RTL9: variants seen among roughly 807,000 people sequenced by gnomAD.
RTL9 encodes retrotransposon Gag like 9.
RTL9 carries 19 observed loss-of-function variants against 44.7 expected under a neutral mutation model. The ratio of observed to expected loss-of-function variants is 0.42; its 90% CI spans 0.30 to 0.62. The LOEUF (loss-of-function observed/expected upper bound fraction) is 0.62, where lower values mean the gene tolerates loss of function less well. Ranked by LOEUF, RTL9 falls within the 20% of genes least tolerant of loss-of-function variation. RTL9 has a pLI of 0.16. For synonymous variants in RTL9, 407 were observed against 398.9 expected (o/e 1.02, Z -0.24); for missense variants, 1,105 against 1,080.6 (o/e 1.02, Z -0.32).
upstream of RTL9, among the ~76,000 whole-genome samples, chrX:110,417,490 T>C (rs191772495): frequency 5.3e-3 from 588 of 111,878 alleles, 3 homozygotes; most frequent in African/African-American, 0.019. Flanking sequence ...ATTTTTTTTT[T>C]ATGCGATAAG....
chrX:110,363,706 G>A (rs765897430), intron 1 of RTL9, among the ~76,000 whole-genome samples: 2 of 111,588 alleles, frequency 1.8e-5, no homozygotes, highest in African/African-American at 6.5e-5. Context: ...ATGCATGGAT[G>A]CATCAGACTG....
intron 1 of RTL9, among the ~76,000 whole-genome samples, chrX:110,359,755 C>A (rs2068250912): frequency 8.9e-6 from 1 of 111,749 alleles, no homozygotes; most frequent in Non-Finnish European, 1.9e-5. Flanking sequence ...GAGATAAGGT[C>A]TCACCATAAA....
At chrX:110,391,080 T>C (rs956936686) in intron 1 of RTL9, among the ~76,000 whole-genome samples, 2 of 112,032 alleles carry the variant, frequency 1.8e-5, no homozygotes, top group African/African-American at 6.5e-5. Context: ...TGACTTTGGG[T>C]TATTTTCTAG....
intron 1 of RTL9, among the ~76,000 whole-genome samples, chrX:110,368,790 A>C (rs1325264108): frequency 8.9e-6 from 1 of 111,745 alleles, no homozygotes; most frequent in Non-Finnish European, 1.9e-5. Flanking sequence ...GCTGGCACAT[A>C]ATAGGTGCTC....
intron 1 of RTL9, among the ~76,000 whole-genome samples, chrX:110,424,337 A>G (rs2068739507): frequency 9.0e-6 from 1 of 111,270 alleles, no homozygotes; most frequent in South Asian, 3.8e-4. Flanking sequence ...TACTATTACT[A>G]CTACTGCTAC....
chrX:110,392,477 C>T (rs1224514572), intron 1 of RTL9, among the ~76,000 whole-genome samples: 1 of 110,960 alleles, frequency 9.0e-6, no homozygotes. Context: ...GAGACAAGGC[C>T]TTGCTTTGTT....
intron 1 of RTL9, among the ~76,000 whole-genome samples, chrX:110,369,259 G>C (rs896576085): frequency 4.5e-5 from 5 of 111,284 alleles, no homozygotes; most frequent in African/African-American, 9.8e-5. Context: ...TTGAACCCGG[G>C]GGGTGGAGGT....
rs780583034 is a variant in RTL9 at position 110,406,431 on chromosome X, T to C, written c.-167-38722T>C. On this transcript the variant is annotated intron_variant, in intron 1 of 2. Transcript: ENST00000520821. ...TTCATCCATGTCCCTGCAAAGGACG[T>C]GAACTCATTCTTTTTTATGGCTGCA... Among the ~76,000 whole-genome samples, 325 of 112,092 alleles carry C rather than the reference T, an allele frequency of 2.9e-3. 1 individual carries two copies. Among genetic ancestry groups the C allele is most frequent in the Non-Finnish European group, 4.6e-3 (246 of 53,236 alleles).
At chrX:110,432,285 G>C (rs1011624372) in intron 1 of RTL9, among the ~76,000 whole-genome samples, 1 of 112,149 alleles carries the variant, frequency 8.9e-6, no homozygotes, top group Admixed American at 9.4e-5. Flanking sequence ...CTTGCAAGAC[G>C]GGGAGCCACA....
intron 1 of RTL9, among the ~76,000 whole-genome samples, chrX:110,399,179 C>T (rs1229170910): frequency 8.9e-6 from 1 of 112,468 alleles, no homozygotes; most frequent in Non-Finnish European, 1.9e-5. Context: ...TGTCTACTCA[C>T]TGCCAGGCAC....
chrX:110,414,463 A>G (rs1159482483), upstream of RTL9, among the ~76,000 whole-genome samples: 1 of 112,695 alleles, frequency 8.9e-6, no homozygotes, highest in South Asian at 3.7e-4. Context: ...TCTTCTAGGT[A>G]CCAGCCACTG....
chrX:110,385,454 GA>G (rs2068448678), intron 1 of RTL9, among the ~76,000 whole-genome samples: 1 of 111,085 alleles, frequency 9.0e-6, no homozygotes, highest in Non-Finnish European at 1.9e-5. Flanking sequence ...CTAATTTTTA[GA>G]AAATATTCAT....
intron 1 of RTL9, among the ~76,000 whole-genome samples, chrX:110,395,917 G>A (rs1436981401): frequency 8.9e-6 from 1 of 111,761 alleles, no homozygotes; most frequent in Admixed American, 9.4e-5. Context: ...TAGGCTGGGG[G>A]TGGTTCTTGC....
intron 1 of RTL9, among the ~76,000 whole-genome samples, chrX:110,434,785 A>G (rs778351134): frequency 3.3e-4 from 37 of 110,832 alleles, no homozygotes; most frequent in Non-Finnish European, 6.2e-4. Flanking sequence ...CACCACAGTC[A>G]AGGGATATTA....
At position 110,429,474 on chromosome X, in the gene RTL9, GT is replaced by G. The variant is rs768648303; in HGVS notation, c.-168+10343del. On this transcript the variant is annotated intron_variant, in intron 1 of 3. Transcript: ENST00000465301. ...AGAAAAAGTGTTTTTTTTTTTTTTT[GT>G]TTTGTTTTTTTGGTTTTTTTGTTTT... 4.7e-3 allele frequency among the ~76,000 whole-genome samples: 322 copies of G among 67,818 alleles called. 3 individuals carry two copies. Among genetic ancestry groups the G allele is most frequent in the African/African-American group, 0.032 (313 of 9,748 alleles). 58.9% of individuals were successfully genotyped at this position (67,818 alleles called of 115,157 possible). A position where few individuals can be genotyped will look rare whatever the true frequency, so the allele number is the denominator to read the frequency against.
chrX:110,451,471 C>T, exon 1 of RTL9: 1 of 1,211,910 alleles, frequency 8.3e-7, no homozygotes, highest in South Asian at 1.8e-5. Flanking sequence ...TCACCCCAGC[C>T]AACAAGCACC....
intron 1 of RTL9, among the ~76,000 whole-genome samples, chrX:110,410,118 G>C (rs1265490245): frequency 8.9e-6 from 1 of 111,777 alleles, no homozygotes; most frequent in Non-Finnish European, 1.9e-5. Flanking sequence ...TGGGTAGCCA[G>C]CTGAGTCACC....
At chrX:110,454,797 C>A in intron 1 of RTL9, 133 bp downstream of exon 3, 1 of 555,283 alleles carries the variant, frequency 1.8e-6, no homozygotes, top group Non-Finnish European at 2.8e-6. Context: ...GACCATTAAA[C>A]CCCAGCAGTT....
At chrX:110,441,450 A>G (rs2068879145) in intron 1 of RTL9, among the ~76,000 whole-genome samples, 1 of 112,292 alleles carries the variant, frequency 8.9e-6, no homozygotes, top group Non-Finnish European at 1.9e-5. Flanking sequence ...GAATTTTGGC[A>G]AGTAGCTCAA....
Sources: allele counts gnomAD v4.1 joint callset (sites outside exome capture counted in the v4.1 genomes callset), GRCh38; gene constraint gnomAD v4.1.1; transcripts MANE v1.5; gene names NCBI Gene and HGNC (gene_info 2026-07-23, HGNC 2026-07-21).